PPM1L: variants seen among roughly 807,000 people sequenced by gnomAD.
PPM1L encodes protein phosphatase, Mg2+/Mn2+ dependent 1L.
PPM1L carries 13 observed loss-of-function variants against 31.4 expected under a neutral mutation model. The observed-to-expected ratio is 0.41, with a 90% CI of 0.27 to 0.66. The LOEUF is 0.66. Ranked by LOEUF, PPM1L falls within the 30% of genes least tolerant of loss-of-function variation. The pLI is 0.29. For synonymous variants in PPM1L, 184 were observed against 175.4 expected, an observed-to-expected ratio of 1.05 and a Z score of -0.39; for missense variants, 326 against 453.7, an observed-to-expected ratio of 0.72 and a Z score of 2.56.
chr3:160,955,702 G>C (rs1295749954), intron 1 of PPM1L, among the ~76,000 whole-genome samples: 1 of 150,098 alleles, frequency 6.7e-6, no homozygotes, highest in Non-Finnish European at 1.5e-5. Flanking sequence ...CCAGGTTGGA[G>C]TGCAGTGGTG....
chr3:160,879,549 A>C (rs1189019323), intron 1 of PPM1L, among the ~76,000 whole-genome samples: 1 of 152,196 alleles, frequency 6.6e-6, no homozygotes, highest in Non-Finnish European at 1.5e-5. Flanking sequence ...AGGGAAGAGA[A>C]AGAATTTTTG....
chr3:160,929,387 C>T (rs1714708341), intron 1 of PPM1L, among the ~76,000 whole-genome samples: 1 of 152,182 alleles, frequency 6.6e-6, no homozygotes, highest in South Asian at 2.1e-4. Flanking sequence ...TTCCCTTCCC[C>T]AGTTAAGACC....
intron 1 of PPM1L, among the ~76,000 whole-genome samples, chr3:160,841,391 A>G (rs1167655853): frequency 6.5e-4 from 98 of 151,674 alleles, no homozygotes; most frequent in Non-Finnish European, 4.1e-4. Context: ...ATGGTTTTAT[A>G]GACATTCATG....
At chr3:160,816,261 TTGTGTGTGTGTGTGTG>T (rs71147385) in intron 1 of PPM1L, among the ~76,000 whole-genome samples, 8 of 147,982 alleles carry the variant, frequency 5.4e-5, no homozygotes, top group Non-Finnish European at 1.1e-4. Flanking sequence ...GCAGTTTCAT[TTGTGTGTGTGTGTGTG>T]TGTGTGTGTG....
At chr3:160,770,698 G>A (rs904295003) in intron 1 of PPM1L, among the ~76,000 whole-genome samples, 2 of 152,204 alleles carry the variant, frequency 1.3e-5, no homozygotes, top group Non-Finnish European at 2.9e-5. Context: ...GATTCTGCAC[G>A]TTGAAAGACC....
At chr3:160,818,768 A>G (rs1713070245) in intron 1 of PPM1L, among the ~76,000 whole-genome samples, 2 of 152,148 alleles carry the variant, frequency 1.3e-5, no homozygotes, top group Non-Finnish European at 2.9e-5. Context: ...ATGTTTTGAT[A>G]CATGTATATA....
intron 2 of PPM1L, among the ~76,000 whole-genome samples, chr3:161,063,564 G>A (rs1315995208): frequency 6.7e-6 from 1 of 150,276 alleles, no homozygotes; most frequent in Non-Finnish European, 1.5e-5. Flanking sequence ...TTTTTTTTCT[G>A]TTGGTGGGAG....
chr3:160,978,762 T>A (rs1172705474), intron 2 of PPM1L, among the ~76,000 whole-genome samples: 1 of 151,862 alleles, frequency 6.6e-6, no homozygotes, highest in East Asian at 1.9e-4. Context: ...CCCAGGAAGT[T>A]GAGGTTGCAG....
At chr3:160,987,379 C>A (rs1025712008) in intron 2 of PPM1L, among the ~76,000 whole-genome samples, 1 of 152,152 alleles carries the variant, frequency 6.6e-6, no homozygotes, top group Non-Finnish European at 1.5e-5. Context: ...AGCTTTCCCC[C>A]CAACAGGCCT....
intron 1 of PPM1L, among the ~76,000 whole-genome samples, chr3:160,914,842 C>G (rs1273225877): frequency 1.3e-5 from 2 of 152,084 alleles, no homozygotes; most frequent in Non-Finnish European, 2.9e-5. Context: ...ATTTCTAGTT[C>G]TAGATCCCTG....
At chr3:160,804,208 A>G (rs571114829) in intron 1 of PPM1L, among the ~76,000 whole-genome samples, 3 of 152,042 alleles carry the variant, frequency 2.0e-5, no homozygotes, top group Non-Finnish European at 4.4e-5. Flanking sequence ...CTGGGATTAC[A>G]GGCGTGAGCC....
At chr3:160,801,883 A>G (rs1454214875) in intron 1 of PPM1L, among the ~76,000 whole-genome samples, 1 of 152,124 alleles carries the variant, frequency 6.6e-6, no homozygotes, top group African/African-American at 2.4e-5. Context: ...TTGAACTTAT[A>G]TAGTCATTTC....
intron 1 of PPM1L, among the ~76,000 whole-genome samples, chr3:160,808,383 C>CTG (rs71912617): frequency 0.088 from 9,712 of 110,040 alleles, 533 homozygotes; most frequent in Non-Finnish European, 0.12. Flanking sequence ...CAGGATTTTC[C>CTG]TGTGTGTGTG....
intron 2 of PPM1L, among the ~76,000 whole-genome samples, chr3:161,063,097 C>T (rs919358138): frequency 2.6e-5 from 4 of 152,142 alleles, no homozygotes; most frequent in Non-Finnish European, 4.4e-5. Flanking sequence ...CTTTCAAACT[C>T]TAAGACTGTG....
chr3:160,816,212 G>A (rs1429207928), intron 1 of PPM1L, among the ~76,000 whole-genome samples: 2 of 151,764 alleles, frequency 1.3e-5, no homozygotes, highest in African/African-American at 2.4e-5. Context: ...GGAGAAAGGA[G>A]TGGATTGTGT....
Position 160,998,565 on chromosome 3 carries a change from G to C in PPM1L, c.574+36655G>C, listed in dbSNP as rs554474660. 3.8e-4 allele frequency among the ~76,000 whole-genome samples: 58 copies of C among 152,170 alleles called. 1 individual carries two copies. The South Asian group carries it at 0.01, about 27-fold the overall frequency. On this transcript the variant is annotated intron_variant, in intron 2 of 3. Coordinates refer to ENST00000498165, the MANE Select transcript of PPM1L (RefSeq NM_139245.4). ...ACAGAGTTCAAAATGACTTTCCTGA[G>C]GGAGATTTTTGACAGGCATCTTTGA...
chr3:160,884,558 C>G (rs1250554851), intron 1 of PPM1L, among the ~76,000 whole-genome samples: 2 of 152,168 alleles, frequency 1.3e-5, no homozygotes, highest in Non-Finnish European at 2.9e-5. Flanking sequence ...TTTGAGTAGA[C>G]TAATGTATTT....
intron 3 of PPM1L, among the ~76,000 whole-genome samples, chr3:161,068,213 C>T (rs933558227): frequency 2.0e-5 from 3 of 152,142 alleles, no homozygotes; most frequent in African/African-American, 7.2e-5. Context: ...ATTTTGTAGC[C>T]AGGGAGACTG....
intron 1 of PPM1L, among the ~76,000 whole-genome samples, chr3:160,927,630 G>T (rs775752306): frequency 6.6e-6 from 1 of 151,784 alleles, no homozygotes; most frequent in Non-Finnish European, 1.5e-5. Context: ...GTGTGTGTGC[G>T]TGCGTGTGCG....
Sources: gnomAD v4.1 joint callset for allele counts (sites outside exome capture counted in the v4.1 genomes callset) on GRCh38, gnomAD v4.1.1 for gene constraint, MANE v1.5 for transcripts, NCBI Gene and HGNC (gene_info 2026-07-23, HGNC 2026-07-21) for gene names.